The following C1orf21 variants were observed in gnomAD, a reference collection of about 807,000 sequenced individuals.
The protein encoded by C1orf21 is chromosome 1 open reading frame 21.
A neutral mutation model predicts 18.7 loss-of-function variants in C1orf21; 3 were observed. The observed-to-expected ratio is 0.16, with a 90% CI of 0.07 to 0.42. The LOEUF (loss-of-function observed/expected upper bound fraction) is 0.42. Ranked by LOEUF, C1orf21 falls within the 10% of genes least tolerant of loss-of-function variation. The pLI is 0.99. For synonymous variants in C1orf21, 41 were observed against 46.4 expected (o/e 0.88, Z 0.47); for missense variants, 104 against 143.6 (o/e 0.72, Z 1.41).
chr1:184,476,905 C>T (rs1245685946), intron 1 of C1orf21, among the ~76,000 whole-genome samples: 6 of 152,106 alleles, frequency 3.9e-5, no homozygotes, highest in African/African-American at 1.4e-4. Flanking sequence ...AGGATGGCTA[C>T]CGTTTCCTGG....
At chr1:184,613,866 C>G (rs1196370454) in intron 5 of C1orf21, among the ~76,000 whole-genome samples, 1 of 151,932 alleles carries the variant, frequency 6.6e-6, no homozygotes, top group African/African-American at 2.4e-5. Context: ...GACTGTTTCT[C>G]CCTAGGGCAA....
At chr1:184,550,185 A>G (rs537987717) in intron 3 of C1orf21, among the ~76,000 whole-genome samples, 2 of 152,344 alleles carry the variant, frequency 1.3e-5, no homozygotes, top group East Asian at 3.9e-4. Context: ...TTTTGTAAAA[A>G]CAAATAGTAT....
chr1:184,490,246 G>C (rs935410436), intron 2 of C1orf21, among the ~76,000 whole-genome samples: 9 of 152,208 alleles, frequency 5.9e-5, no homozygotes, highest in African/African-American at 1.9e-4. Context: ...CTGTAAAGAC[G>C]GGTTAAACCT....
At chr1:184,563,030 A>G (rs1050018898) in intron 3 of C1orf21, among the ~76,000 whole-genome samples, 1 of 152,216 alleles carries the variant, frequency 6.6e-6, no homozygotes, top group Admixed American at 6.5e-5. Context: ...TATTTTCTGC[A>G]TCATGATTTA....
intron 1 of C1orf21, among the ~76,000 whole-genome samples, chr1:184,452,140 A>C (rs1301270466): frequency 2.0e-5 from 3 of 152,204 alleles, no homozygotes; most frequent in Non-Finnish European, 4.4e-5. Flanking sequence ...ATGTAGAAGT[A>C]TTCCTAATGA....
chr1:184,402,711 A>G (rs1044431292), intron 1 of C1orf21, among the ~76,000 whole-genome samples: 2 of 151,380 alleles, frequency 1.3e-5, no homozygotes, highest in African/African-American at 4.9e-5. Context: ...GTATTTCTGC[A>G]TTTTCTGTTT....
intron 3 of C1orf21, among the ~76,000 whole-genome samples, chr1:184,579,936 G>A (rs1659253792): frequency 6.6e-6 from 1 of 152,122 alleles, no homozygotes; most frequent in Non-Finnish European, 1.5e-5. Context: ...AAAAACTCTT[G>A]CAAAATTGCC....
intron 3 of C1orf21, among the ~76,000 whole-genome samples, chr1:184,513,311 AGTAGT>A (rs1164238739): frequency 6.6e-6 from 1 of 152,248 alleles, no homozygotes; most frequent in Non-Finnish European, 1.5e-5. Context: ...AACTATAAAA[AGTAGT>A]TTATGGATGG....
At chr1:184,515,832 G>C (rs1658216294) in intron 3 of C1orf21, among the ~76,000 whole-genome samples, 1 of 151,930 alleles carries the variant, frequency 6.6e-6, no homozygotes, top group Non-Finnish European at 1.5e-5. Flanking sequence ...TTGTTTGTTT[G>C]TTTTGAGTCT....
intron 1 of C1orf21, among the ~76,000 whole-genome samples, chr1:184,465,945 G>A (rs1273157891): frequency 2.6e-5 from 4 of 152,160 alleles, no homozygotes; most frequent in East Asian, 1.9e-4. Flanking sequence ...CTGCACTGCC[G>A]TCTCCTGGTG....
At chr1:184,583,469 A>G (rs528544491) in intron 3 of C1orf21, among the ~76,000 whole-genome samples, 2 of 152,326 alleles carry the variant, frequency 1.3e-5, no homozygotes, top group South Asian at 4.2e-4. Flanking sequence ...AATATTAATA[A>G]TAAAAAAAGT....
intron 1 of C1orf21, among the ~76,000 whole-genome samples, chr1:184,455,839 G>T (rs925277674): frequency 1.3e-5 from 2 of 152,086 alleles, no homozygotes; most frequent in Non-Finnish European, 2.9e-5. Flanking sequence ...TTAAATTTTT[G>T]ATAGCAACCC....
intron 1 of C1orf21, among the ~76,000 whole-genome samples, chr1:184,466,876 A>C (rs899300794): frequency 7.9e-5 from 12 of 152,184 alleles, no homozygotes; most frequent in Non-Finnish European, 1.5e-4. Flanking sequence ...GTTGAGGACT[A>C]AGCAGGTTTC....
At chr1:184,551,305 G>A (rs966251315) in intron 3 of C1orf21, among the ~76,000 whole-genome samples, 3 of 152,132 alleles carry the variant, frequency 2.0e-5, no homozygotes, top group African/African-American at 7.2e-5. Context: ...GGATGGGGAA[G>A]TATTTTTAAA....
intron 1 of C1orf21, among the ~76,000 whole-genome samples, chr1:184,476,057 C>A (rs1657566513): frequency 6.6e-6 from 1 of 152,052 alleles, no homozygotes. Flanking sequence ...AGATCACTGC[C>A]TTTTTATCTA....
chr1:184,483,761 A>G (rs546031763), intron 2 of C1orf21, among the ~76,000 whole-genome samples: 2 of 152,214 alleles, frequency 1.3e-5, no homozygotes, highest in South Asian at 4.2e-4. Context: ...TGGCACCACT[A>G]TCAGATCAGC....
Position 184,405,508 on chromosome 1 carries a change from T to C in C1orf21, c.-125+18140T>C, listed in dbSNP as rs79381839. ...CCACACCTGGCCCTAAAAATTCCTA[T>C]TATGCTTTAAAGTTACATCATGTTT... On this transcript the variant is annotated intron_variant, in intron 1 of 5. Transcript: ENST00000235307. 1.4e-3 allele frequency among the ~76,000 whole-genome samples: 218 copies of C among 152,292 alleles called. 1 individual carries two copies. The highest frequency in any genetic ancestry group is 5.0e-3 in the African/African-American group (209 of 41,578).
At chr1:184,399,801 A>C (rs1656120106) in intron 1 of C1orf21, among the ~76,000 whole-genome samples, 1 of 152,142 alleles carries the variant, frequency 6.6e-6, no homozygotes, top group Admixed American at 6.5e-5. Context: ...TGTGATTATT[A>C]TTTAGTAAGG....
At chr1:184,591,132 A>G (rs1001518474) in intron 4 of C1orf21, among the ~76,000 whole-genome samples, 1 of 152,198 alleles carries the variant, frequency 6.6e-6, no homozygotes, top group South Asian at 2.1e-4. Flanking sequence ...TTTGTTATCT[A>G]TCTGCAGGGA....
Sources: allele counts gnomAD v4.1 joint callset (sites outside exome capture counted in the v4.1 genomes callset), GRCh38; gene constraint gnomAD v4.1.1; transcripts MANE v1.5; gene names NCBI Gene and HGNC (gene_info 2026-07-23, HGNC 2026-07-21).